Variants in BCR observed in about 807,000 individuals in gnomAD.
BCR encodes BCR activator of RhoGEF and GTPase, also known as breakpoint cluster region protein.
BCR carries 58 observed loss-of-function variants against 138.6 expected under a neutral mutation model. The observed-to-expected ratio is 0.42, with a 90% CI of 0.34 to 0.52. BCR has a LOEUF of 0.52. Ranked by LOEUF, BCR falls within the 20% of genes least tolerant of loss-of-function variation. The pLI, the probability that BCR is intolerant of heterozygous loss-of-function variation, is 0.06. For synonymous variants in BCR, 786 were observed against 730.1 expected (o/e 1.08, Z -1.23); for missense variants, 1,599 against 1,727.2 (o/e 0.93, Z 1.32).
chr22:23,292,777 G>A lies in BCR; in HGVS notation c.2880+139G>A. 3 of 640,688 alleles carry A rather than the reference G, an allele frequency of 4.7e-6. No homozygotes were observed. The South Asian group carries it at 5.9e-5, about 13-fold the overall frequency. The allele number at this position is 640,688 out of a possible 1,614,324, so 39.7% of individuals were successfully genotyped here. ...CTGCTGAATTCCAGGAATCTCCTGG[G>A]GGGCCAGTAGGTGACGTGTCCAAGA... is the stretch of plus-strand genomic sequence containing the variant. On this transcript the variant is annotated intron_variant, in intron 15 of 22. Coordinates refer to ENST00000305877, the MANE Select transcript of BCR (RefSeq NM_004327.4).
chr22:23,228,358 T>C (rs567253003), intron 1 of BCR, among the ~76,000 whole-genome samples: 2 of 152,326 alleles, frequency 1.3e-5, no homozygotes, highest in East Asian at 3.9e-4. Context: ...GATCATTTAG[T>C]AGTGTTTAAT....
intron 1 of BCR, among the ~76,000 whole-genome samples, chr22:23,219,984 T>C (rs1454129426): frequency 1.3e-5 from 2 of 152,340 alleles, no homozygotes; most frequent in Non-Finnish European, 2.9e-5. Flanking sequence ...AGTCATCCTG[T>C]TACCATTGCT....
chr22:23,308,166 C>T lies in BCR; in HGVS notation c.3013-1258C>T, dbSNP rs568243270. ...GGAAACACAAGGCCAGATGCAGTGG[C>T]CTTCTATGGAGTCAGACGGTGGCTC... On this transcript the variant is annotated intron_variant, in intron 16 of 22. Transcript: ENST00000305877. Among the ~76,000 whole-genome samples the T allele has an allele frequency of 4.7e-4, 71 of 151,822 alleles. No individual in the cohort carries two copies. The South Asian group carries it at 0.014, about 31-fold the overall frequency.
chr22:23,194,536 G>T (rs1333288519), intron 1 of BCR, among the ~76,000 whole-genome samples: 1 of 151,382 alleles, frequency 6.6e-6, no homozygotes, highest in East Asian at 2.0e-4. Context: ...TCAGCCTCCC[G>T]AGTAGCTGGA....
chr22:23,222,350 G>A (rs923632775), intron 1 of BCR, among the ~76,000 whole-genome samples: 5 of 152,200 alleles, frequency 3.3e-5, no homozygotes, highest in Non-Finnish European at 7.4e-5. Context: ...GATTCCGGCC[G>A]AGTTTCCAGG....
At chr22:23,274,407 G>A (rs1453282397) in intron 8 of BCR, among the ~76,000 whole-genome samples, 1 of 152,224 alleles carries the variant, frequency 6.6e-6, no homozygotes, top group Admixed American at 6.5e-5. Context: ...ACATAATGAG[G>A]CAGATGCATT....
intron 1 of BCR, among the ~76,000 whole-genome samples, chr22:23,251,395 T>G (rs2073227148): frequency 6.6e-6 from 1 of 152,310 alleles, no homozygotes; most frequent in Middle Eastern, 3.4e-3. Flanking sequence ...TCCCAGGTGT[T>G]GCCGACGTGC....
chr22:23,220,093 G>A (rs541198503), intron 1 of BCR, among the ~76,000 whole-genome samples: 1 of 152,322 alleles, frequency 6.6e-6, no homozygotes, highest in African/African-American at 2.4e-5. Context: ...GAGGCTGTGT[G>A]GGCACGGTTC....
intron 1 of BCR, among the ~76,000 whole-genome samples, chr22:23,228,588 T>C (rs1447296668): frequency 6.6e-6 from 1 of 152,130 alleles, no homozygotes. Flanking sequence ...TCTGAGAAGG[T>C]CTTTATTTTG....
chr22:23,216,479 A>G (rs2072753477), intron 1 of BCR, among the ~76,000 whole-genome samples: 1 of 152,260 alleles, frequency 6.6e-6, no homozygotes, highest in Non-Finnish European at 1.5e-5. Flanking sequence ...TTGGTAGACG[A>G]TTCTGTCATC....
chr22:23,269,793 G>C (rs1476186281), intron 5 of BCR, among the ~76,000 whole-genome samples: 1 of 152,186 alleles, frequency 6.6e-6, no homozygotes, highest in Non-Finnish European at 1.5e-5. Flanking sequence ...AAGTGACCTT[G>C]ACAAATCAGG....
chr22:23,289,797 TAGG>T, intron 13 of BCR, 176 bp downstream of exon 13: 2 of 624,766 alleles, frequency 3.2e-6, no homozygotes, highest in South Asian at 3.9e-5. Context: ...CAAGGTGGGT[TAGG>T]AGCAGTTTCT....
intron 2 of BCR, 147 bp downstream of exon 2, chr22:23,254,127 C>G: frequency 1.1e-6 from 1 of 897,180 alleles, no homozygotes; most frequent in Non-Finnish European, 1.7e-6. Context: ...TTCCTCATCT[C>G]TACATGTGGT....
chr22:23,209,410 A>G (rs1366106135), intron 1 of BCR, among the ~76,000 whole-genome samples: 6 of 152,132 alleles, frequency 3.9e-5, no homozygotes. Context: ...TTCCATTGGT[A>G]GACACACATT....
chr22:23,299,694 TTATATATA>T (rs10532946), intron 16 of BCR, among the ~76,000 whole-genome samples: 2,307 of 145,910 alleles, frequency 0.016, 74 homozygotes, highest in African/African-American at 0.054. Flanking sequence ...GATCTAGAGT[TTATATATA>T]TATATATATA....
chr22:23,199,649 T>G (rs538121433), intron 1 of BCR, among the ~76,000 whole-genome samples: 1 of 152,278 alleles, frequency 6.6e-6, no homozygotes. Flanking sequence ...GTGCCCTGTC[T>G]CCTTTGTCCC....
intron 4 of BCR, chr22:23,263,949 C>A: frequency 1.1e-6 from 1 of 919,728 alleles, no homozygotes; most frequent in Non-Finnish European, 1.8e-6. Flanking sequence ...AATCTGGGAC[C>A]TCAACAGTGG....
intron 1 of BCR, among the ~76,000 whole-genome samples, chr22:23,219,575 T>G (rs1402216793): frequency 1.3e-5 from 2 of 152,238 alleles, no homozygotes; most frequent in African/African-American, 4.8e-5. Flanking sequence ...GCCCATGGGC[T>G]GAAGGTCAAG....
chr22:23,199,126 A>G (rs1258025290), intron 1 of BCR: 1 of 317,464 alleles, frequency 3.1e-6, no homozygotes, highest in African/African-American at 2.2e-5. Context: ...CCGTCTCAAA[A>G]AAAAAAAAAA....
Sources: gnomAD v4.1 joint callset for allele counts (sites outside exome capture counted in the v4.1 genomes callset) on GRCh38, gnomAD v4.1.1 for gene constraint, MANE v1.5 for transcripts, NCBI Gene and HGNC (gene_info 2026-07-23, HGNC 2026-07-21) for gene names.